Variants in FBXO3 observed in about 807,000 individuals in gnomAD.
FBXO3 encodes the protein F-box only protein 3.
In FBXO3, 17 loss-of-function variants were observed where a neutral mutation model predicts 64.8. That is an observed-to-expected ratio of 0.26 (90% CI 0.18 to 0.39). The LOEUF (loss-of-function observed/expected upper bound fraction) is 0.39, where lower values mean the gene tolerates loss of function less well. Among genes scored for constraint, FBXO3 ranks in the 10% least tolerant of loss-of-function variants. The pLI is 1.00. For missense variants in FBXO3, 420 were observed against 589.9 expected (o/e 0.71, Z 2.98); for synonymous variants, 182 against 201.6 (o/e 0.90, Z 0.82).
chr11:33,769,854 G>GTT (rs35225091), intron 2 of FBXO3, among the ~76,000 whole-genome samples: 11,648 of 123,788 alleles, frequency 0.094, 680 homozygotes, highest in Middle Eastern at 0.15. Context: ...CTCAGGGTGG[G>GTT]TTTTTTTTTT....
In FBXO3 at chr11:33,755,988, C is replaced by T; in HGVS notation, c.474-13G>A. 1.2e-6 allele frequency: 2 copies of T among 1,608,462 alleles called. No homozygotes were observed. The highest frequency in any genetic ancestry group is 1.7e-6 in the Non-Finnish European group (2 of 1,175,256). On this transcript the variant is annotated splice_polypyrimidine_tract_variant and intron_variant, in intron 4 of 10. Coordinates refer to ENST00000265651, the MANE Select transcript of FBXO3 (RefSeq NM_012175.4). ...GCTTCCCAATAACCTGAGGAGCATACAGACTCAAACATGTAATACACGGCA... is the reference window on the plus strand; with the variant it reads ...GCTTCCCAATAACCTGAGGAGCATATAGACTCAAACATGTAATACACGGCA...
Position 33,755,902 on chromosome 11 carries a change from C to G in FBXO3, c.547G>C (p.Gly183Arg). The G allele has an allele frequency of 6.2e-7, 1 of 1,614,076 alleles. No homozygotes were observed. The highest frequency in any genetic ancestry group is 8.5e-7 in the Non-Finnish European group (1 of 1,179,950). Residue 183 changes from glycine to arginine, a missense_variant, in exon 5 of 11, where the codon GGA (glycine) becomes CGA (arginine). Coordinates refer to ENST00000265651, the MANE Select transcript of FBXO3 (RefSeq NM_012175.4). ...TTCAGTCCCTGTCTCTGCTGGAATC[C>G]TCCGGCAGCTGTATCGACGTCTAAC... is the stretch of plus-strand genomic sequence containing the variant. The part of the protein sequence containing the change: ...DLLDVDTAAG[G>R]FQQRQGLKYC...
intron 3 of FBXO3, among the ~76,000 whole-genome samples, chr11:33,764,099 A>G (rs1268223735): frequency 6.6e-6 from 1 of 152,226 alleles, no homozygotes; most frequent in African/African-American, 2.4e-5. Flanking sequence ...CATTATTTGT[A>G]ATAGCCAGAA....
At chr11:33,749,085 C>T (rs1854888345) in intron 8 of FBXO3, among the ~76,000 whole-genome samples, 193 bp from the exon 9 acceptor site, 1 of 152,192 alleles carries the variant, frequency 6.6e-6, no homozygotes, top group Non-Finnish European at 1.5e-5. Context: ...GATCCCCCTA[C>T]AAAAATGCTT....
intron 1 of FBXO3, chr11:33,773,976 GC>G: frequency 6.2e-6 from 1 of 160,166 alleles, no homozygotes; most frequent in Non-Finnish European, 1.4e-5. Flanking sequence ...GACTCCGCAG[GC>G]CCCGGACCCA....
chr11:33,746,162 G>C (rs11032365), intron 10 of FBXO3: 3,577 of 152,892 alleles, frequency 0.023, 139 homozygotes, highest in African/African-American at 0.08. Context: ...CTTCAGTGAT[G>C]AATCATATCA....
chr11:33,773,759 C>G (rs1855567458), intron 1 of FBXO3: 1 of 152,428 alleles, frequency 6.6e-6, no homozygotes. Flanking sequence ...AAGATAGTCA[C>G]CGGTATGGCA....
intron 3 of FBXO3, among the ~76,000 whole-genome samples, chr11:33,759,690 C>T (rs78177638): frequency 6.6e-6 from 1 of 151,902 alleles, no homozygotes; most frequent in Admixed American, 6.6e-5. Flanking sequence ...TAGGCCTATA[C>T]CAAGACAAGA....
At chr11:33,751,209 T>C (rs1854948022) in intron 7 of FBXO3, among the ~76,000 whole-genome samples, 1 of 152,232 alleles carries the variant, frequency 6.6e-6, no homozygotes, top group Non-Finnish European at 1.5e-5. Context: ...ATAATAAATC[T>C]ATCAGTTGCC....
chr11:33,761,025 G>A (rs1855227978), intron 3 of FBXO3, among the ~76,000 whole-genome samples: 1 of 152,204 alleles, frequency 6.6e-6, no homozygotes, highest in Admixed American at 6.5e-5. Context: ...GGTAGGAGGT[G>A]ATTGGAGTTA....
rs1333913108 is a variant in FBXO3 at position 33,741,977 on chromosome 11, ATCATCT to A, written c.1341_1346del (p.Glu447_Asp448del). On this transcript the variant is annotated inframe_deletion, in exon 11 of 11. Coordinates refer to ENST00000265651, the MANE Select transcript of FBXO3 (RefSeq NM_012175.4). ...AGACTCTCCTCCGTCTCTCCTCTTCATCATCTTCATCTGATTCATCCATATCTGCTG... is the reference window on the plus strand; with the variant it reads ...AGACTCTCCTCCGTCTCTCCTCTTCATCATCTGATTCATCCATATCTGCTG... 6 of 1,613,706 alleles carry A rather than the reference ATCATCT, an allele frequency of 3.7e-6. No individual in the cohort carries two copies. The highest frequency in any genetic ancestry group is 5.1e-6 in the Non-Finnish European group (6 of 1,179,780).
intron 10 of FBXO3, 191 bp downstream of exon 10, chr11:33,746,939 T>C: frequency 7.0e-7 from 1 of 1,438,034 alleles, no homozygotes; most frequent in Non-Finnish European, 9.0e-7. Context: ...AGAAATTCTC[T>C]GGTTAGAGAC....
At position 33,741,911 on chromosome 11, in the gene FBXO3, A is replaced by G; in HGVS notation, c.1413T>C (p.Phe471=). The change falls in exon 11 of 11, where the codon TTT becomes TTC. Residue 471 remains phenylalanine (F), a synonymous_variant. Transcript: ENST00000265651. ...GCTTCCATCAGCAGAAGGCTTGCTA[A>G]AAAAGGCGTGAGCAGCGGCGTCTGC... is the stretch of plus-strand genomic sequence containing the variant. ...PIRRRRCSRL[F] 1 of 1,610,012 alleles carries G rather than the reference A, an allele frequency of 6.2e-7. No individual in the cohort carries two copies. Among genetic ancestry groups the G allele is most frequent in the Non-Finnish European group, 8.5e-7 (1 of 1,178,218 alleles).
chr11:33,758,462 A>G, intron 4 of FBXO3, 25 bp downstream of exon 4: 1 of 1,518,566 alleles, frequency 6.6e-7, no homozygotes. Flanking sequence ...ATCATTAAAA[A>G]TAACCAAAAC....
chr11:33,770,821 A>T lies in FBXO3; in HGVS notation c.114T>A (p.Tyr38Ter), dbSNP rs1319514398. The change falls in exon 2 of 11, where the codon TAT becomes TAA. Residue 38 changes from tyrosine to a stop codon, truncating the protein, a stop_gained. Transcript: ENST00000265651. LOFTEE classifies it high-confidence loss of function. ...ATAGCTGGCTAAGTCTTCGACTGACATAACAACAGCTGGCAGTAACCAGAT... is the reference window on the plus strand; with the variant it reads ...ATAGCTGGCTAAGTCTTCGACTGACTTAACAACAGCTGGCAGTAACCAGAT... ...LDYRDLINCC[Y>*]VSRRLSQLSS... 2.5e-6 allele frequency: 4 copies of T among 1,602,898 alleles called. No individual in the cohort carries two copies. Among genetic ancestry groups the T allele is most frequent in the Non-Finnish European group, 3.4e-6 (4 of 1,172,152 alleles).
intron 3 of FBXO3, 83 bp downstream of exon 3, chr11:33,768,768 G>A (rs969993621): frequency 2.0e-6 from 3 of 1,502,514 alleles, no homozygotes; most frequent in African/African-American, 1.4e-5. Flanking sequence ...TTGCGTAGAT[G>A]ACAGAGATTC....
chr11:33,756,963 C>T (rs564790998), intron 4 of FBXO3: 4 of 517,602 alleles, frequency 7.7e-6, no homozygotes, highest in South Asian at 5.6e-5. Context: ...GAACTCCTGA[C>T]TTCAGGAGTC....
At position 33,741,916 on chromosome 11, in the gene FBXO3, G is replaced by A; in HGVS notation, c.1408C>T (p.Leu470Phe). 1 of 1,610,496 alleles carries A rather than the reference G, an allele frequency of 6.2e-7. No individual in the cohort carries two copies. Among genetic ancestry groups the A allele is most frequent in the South Asian group, 1.1e-5 (1 of 90,382 alleles). The change falls in exon 11 of 11, where the codon CTT becomes TTT. Residue 470 changes from leucine (L) to phenylalanine (F), a missense_variant. Around this residue, in one of 3 missense-constraint regions of FBXO3, gnomAD observed 57 missense variants for 55.4 expected, o/e 1.03. Transcript: ENST00000265651. Reference sequence around the variant, plus strand: ...CATCAGCAGAAGGCTTGCTAAAAAAGGCGTGAGCAGCGGCGTCTGCGAATG... The same window carrying A: ...CATCAGCAGAAGGCTTGCTAAAAAAAGCGTGAGCAGCGGCGTCTGCGAATG... ...VPIRRRRCSR[L>F]F
At chr11:33,750,503 C>G (rs375533088) in intron 8 of FBXO3, 36 bp downstream of exon 8, 1 of 1,610,506 alleles carries the variant, frequency 6.2e-7, no homozygotes, top group African/African-American at 1.3e-5. Flanking sequence ...TATATCCCAC[C>G]ATTAACTGAA....
Sources: gnomAD v4.1 joint callset for allele counts (sites outside exome capture counted in the v4.1 genomes callset) on GRCh38, gnomAD v4.1.1 for gene constraint, gnomAD v4.1.1 regional missense constraint, MANE v1.5 for transcripts, NCBI Gene and HGNC (gene_info 2026-07-23, HGNC 2026-07-21) for gene names.